The following ZNF766 variants were observed in gnomAD, a reference collection of about 807,000 sequenced individuals.
The protein encoded by ZNF766 is zinc finger protein 766.
Under a neutral mutation model 13.2 loss-of-function variants are expected in ZNF766, and 13 were observed. That is an observed-to-expected ratio of 0.98 (90% confidence interval 0.64 to 1.56). The LOEUF is 1.56. Among genes scored for constraint, ZNF766 ranks in the 40% most tolerant of loss-of-function variants. ZNF766 has a pLI of 0.00. For synonymous variants in ZNF766, 178 were observed against 187.6 expected (o/e 0.95, Z 0.42); for missense variants, 521 against 552.2 (o/e 0.94, Z 0.57).
At chr19:52,271,980 C>A (rs1440162603) in intron 1 of ZNF766, among the ~76,000 whole-genome samples, 946 of 88,756 alleles carry the variant, frequency 0.011, no homozygotes, top group East Asian at 0.025. Flanking sequence ...GAGACTGTCT[C>A]AAAAAAAAAA....
At chr19:52,283,643 G>C (rs114311727) in intron 3 of ZNF766, among the ~76,000 whole-genome samples, 1 of 152,320 alleles carries the variant, frequency 6.6e-6, no homozygotes, top group African/African-American at 2.4e-5. Context: ...GGAGAATTGT[G>C]TGGAGAAATA....
intron 3 of ZNF766, among the ~76,000 whole-genome samples, chr19:52,289,862 G>A (rs57659864): frequency 0.1 from 15,470 of 152,140 alleles, 1,893 homozygotes; most frequent in African/African-American, 0.29. Context: ...TTAGCTGGGC[G>A]TGGTGGCGGA....
chr19:52,285,251 G>A (rs1981756602), intron 3 of ZNF766, among the ~76,000 whole-genome samples: 1 of 152,086 alleles, frequency 6.6e-6, no homozygotes, highest in South Asian at 2.1e-4. Flanking sequence ...AAAGGTGTGG[G>A]GGGTTTTCCC....
chr19:52,275,761 A>G (rs1041351129), intron 1 of ZNF766, among the ~76,000 whole-genome samples: 1 of 143,600 alleles, frequency 7.0e-6, no homozygotes, highest in African/African-American at 2.7e-5. Flanking sequence ...GCTCACTGCA[A>G]CCTCCGCCTC....
Position 52,291,327 on chromosome 19 carries a change from A to G in ZNF766, c.*129A>G. On this transcript the variant is annotated 3_prime_UTR_variant, in exon 4 of 4. Transcript: ENST00000439461. Reference sequence around the variant, plus strand: ...GACCTACCAAATCACTAGACATCGAAACATTCATCTTTGGTGAAACCACAC... The same window carrying G: ...GACCTACCAAATCACTAGACATCGAGACATTCATCTTTGGTGAAACCACAC... The G allele has an allele frequency of 1.1e-6, 1 of 928,328 alleles. No homozygotes were observed. Among genetic ancestry groups the G allele is most frequent in the East Asian group, 2.5e-5 (1 of 40,446 alleles). The allele number at this position is 928,328 out of a possible 1,614,324, so 57.5% of individuals were successfully genotyped here.
chr19:52,288,977 T>C (rs183317584), intron 3 of ZNF766, among the ~76,000 whole-genome samples: 1 of 151,810 alleles, frequency 6.6e-6, no homozygotes, highest in East Asian at 1.9e-4. Context: ...GCCTCCTGAG[T>C]AGCTGGGATT....
intron 1 of ZNF766, among the ~76,000 whole-genome samples, chr19:52,271,925 T>C (rs1306117650): frequency 1.5e-5 from 2 of 136,480 alleles, no homozygotes; most frequent in African/African-American, 5.6e-5. Flanking sequence ...GAGGTTGTAG[T>C]GAGCTGAGAT....
At chr19:52,283,175 T>C in intron 2 of ZNF766, 110 bp from the exon 3 acceptor site, 1 of 1,369,700 alleles carries the variant, frequency 7.3e-7, no homozygotes, top group South Asian at 1.5e-5. Flanking sequence ...ATGATCGCCA[T>C]TCTAACTGGC....
chr19:52,281,164 A>C (rs1981495002), intron 1 of ZNF766, among the ~76,000 whole-genome samples: 1 of 151,866 alleles, frequency 6.6e-6, no homozygotes, highest in Non-Finnish European at 1.5e-5. Context: ...TAAAAAAAAA[A>C]AAATTATATT....
Position 52,292,415 on chromosome 19 carries a change from C to T in ZNF766, c.*1217C>T, listed in dbSNP as rs1282405902. Reference sequence around the variant, plus strand: ...GACCATGAAATAGAGCACGCCATGACTTTAGGACACAGGGATTTTTATGGG... The same window carrying T: ...GACCATGAAATAGAGCACGCCATGATTTTAGGACACAGGGATTTTTATGGG... On this transcript the variant is annotated 3_prime_UTR_variant, in exon 4 of 4. Transcript: ENST00000439461. 1 of 472,524 alleles carries T rather than the reference C, an allele frequency of 2.1e-6. No individual in the cohort carries two copies. The highest frequency in any genetic ancestry group is 3.7e-6 in the Non-Finnish European group (1 of 267,348). The allele number at this position is 472,524 out of a possible 1,614,324, so 29.3% of individuals were successfully genotyped here.
intron 1 of ZNF766, chr19:52,277,127 C>G: frequency 9.5e-7 from 1 of 1,051,862 alleles, no homozygotes. Flanking sequence ...GATTCTAAAC[C>G]CTAAACAGCA....
intron 3 of ZNF766, 76 bp from the exon 4 acceptor site, chr19:52,289,990 G>T: frequency 6.8e-7 from 1 of 1,479,900 alleles, no homozygotes; most frequent in South Asian, 1.4e-5. Context: ...GGCAAAGCCA[G>T]ACTCCAACTC....
Position 52,291,042 on chromosome 19 carries a change from C to T in ZNF766, c.1251C>T (p.Gly417=). Residue 417 remains glycine (G), a synonymous_variant, in exon 4 of 4, where the codon GGC becomes GGT. Coordinates refer to ENST00000439461, the MANE Select transcript of ZNF766 (RefSeq NM_001010851.3). ...GEKPYKCNEC[G]KVFTQNSHLA... ...AACCTTACAAATGTAATGAGTGTGG[C>T]AAAGTCTTCACTCAGAATTCACACC... 6.2e-7 allele frequency: 1 copy of T among 1,614,064 alleles called. No homozygotes were observed. Among genetic ancestry groups the T allele is most frequent in the Non-Finnish European group, 8.5e-7 (1 of 1,180,012 alleles).
chr19:52,273,274 C>T (rs904168617), intron 1 of ZNF766, among the ~76,000 whole-genome samples: 2 of 152,208 alleles, frequency 1.3e-5, no homozygotes, highest in South Asian at 4.1e-4. Flanking sequence ...TCCCAAAGTG[C>T]TGGGATTACA....
At chr19:52,281,520 A>T (rs1318525265) in intron 1 of ZNF766, 2 of 248,488 alleles carry the variant, frequency 8.0e-6, no homozygotes, top group Non-Finnish European at 1.6e-5. Context: ...CTCTGTCAAT[A>T]AAAAAAAATG....
At chr19:52,283,682 G>A (rs1981660375) in intron 3 of ZNF766, among the ~76,000 whole-genome samples, 1 of 152,170 alleles carries the variant, frequency 6.6e-6, no homozygotes, top group Non-Finnish European at 1.5e-5. Context: ...GTTCTTAAGA[G>A]AAATCTTTCT....
At chr19:52,287,520 C>T (rs1367454641) in intron 3 of ZNF766, among the ~76,000 whole-genome samples, 2 of 152,226 alleles carry the variant, frequency 1.3e-5, no homozygotes, top group Admixed American at 6.5e-5. Flanking sequence ...AGAAGTGGTT[C>T]ACCTCCTCAA....
rs1034425506 is a variant in ZNF766 at position 52,269,721 on chromosome 19, A to G, written c.18+90A>G. On this transcript the variant is annotated intron_variant, in intron 1 of 3. Transcript: ENST00000439461. Reference sequence around the variant, plus strand: ...ATGTGGGGGGCGGTACAGACCTTGAAATCCCCGCACCGCTCTCTCCACCCC... The same window carrying G: ...ATGTGGGGGGCGGTACAGACCTTGAGATCCCCGCACCGCTCTCTCCACCCC... The G allele has an allele frequency of 2.0e-4, 294 of 1,506,590 alleles. 2 individuals carry two copies. The East Asian group carries it at 6.8e-3, about 35-fold the overall frequency. 93.3% of individuals were successfully genotyped at this position (1,506,590 alleles called of 1,614,324 possible). A position where few individuals can be genotyped will look rare whatever the true frequency, so the allele number is the denominator to read the frequency against.
chr19:52,286,145 TAAAA>T (rs975698382), intron 3 of ZNF766, among the ~76,000 whole-genome samples: 17 of 132,968 alleles, frequency 1.3e-4, no homozygotes, highest in Non-Finnish European at 1.7e-4. Flanking sequence ...AGAGCTCAAT[TAAAA>T]AAAAAAAAAG....
Sources: allele counts gnomAD v4.1 joint callset (sites outside exome capture counted in the v4.1 genomes callset), GRCh38; gene constraint gnomAD v4.1.1; transcripts MANE v1.5; gene names NCBI Gene and HGNC (gene_info 2026-07-23, HGNC 2026-07-21).